SIGLEC7: variants seen among roughly 807,000 people sequenced by gnomAD.
The protein encoded by SIGLEC7 is sialic acid-binding Ig-like lectin 7.
A neutral mutation model predicts 40.8 loss-of-function variants in SIGLEC7; 33 were observed. The observed-to-expected ratio is 0.81, with a 90% CI of 0.61 to 1.08. The LOEUF (loss-of-function observed/expected upper bound fraction) is 1.08. Among genes scored for constraint, SIGLEC7 ranks in the 50% least tolerant of loss-of-function variants. SIGLEC7 has a pLI of 0.00. For synonymous variants in SIGLEC7, 242 were observed against 237.6 expected (o/e 1.02, Z -0.17); for missense variants, 513 against 576.1 (o/e 0.89, Z 1.12).
chr19:51,142,533 A>T lies in SIGLEC7; in HGVS notation c.164A>T (p.Gln55Leu). 1 of 1,614,198 alleles carries T rather than the reference A, an allele frequency of 6.2e-7. No individual in the cohort carries two copies. The highest frequency in any genetic ancestry group is 8.5e-7 in the Non-Finnish European group (1 of 1,180,030). ...RCSFSYPVDS[Q>L]TDSDPVHGYW... ...TCCTTCTCCTACCCAGTGGACAGCC[A>T]GACTGACTCTGACCCAGTTCATGGC... The change falls in exon 1 of 7, where the codon CAG becomes CTG. Residue 55 changes from glutamine (Q) to leucine (L), a missense_variant. Transcript: ENST00000317643. The surrounding 1 kb of genome is among the most constrained non-coding windows in gnomAD (Gnocchi z 5.0).
intron 1 of SIGLEC7, chr19:51,143,802 G>T: frequency 2.8e-6 from 1 of 357,142 alleles, no homozygotes; most frequent in East Asian, 8.6e-5. Flanking sequence ...AGTCGGGGCT[G>T]GGCTGAGCCT....
rs200183113 is a variant in SIGLEC7 at position 51,145,967 on chromosome 19, G to A, written c.873G>A (p.Arg291=). The A allele has an allele frequency of 1.4e-4, 228 of 1,614,238 alleles. No homozygotes were observed. The highest frequency in any genetic ancestry group is 1.8e-4 in the Non-Finnish European group (213 of 1,180,044). ...NPPARLSWTW[R]SLTLYPSQPS... ...CTGCCAGGCTGAGCTGGACCTGGAG[G>A]AGTCTGACCCTGTACCCCTCACAGC... The change falls in exon 4 of 7, where the codon AGG becomes AGA. Residue 291 remains arginine (R), a synonymous_variant. Coordinates refer to ENST00000317643, the MANE Select transcript of SIGLEC7 (RefSeq NM_014385.4). The surrounding 1 kb of genome is among the most constrained non-coding windows in gnomAD (Gnocchi z 4.3).
At chr19:51,149,910 T>C (rs961230243) in intron 6 of SIGLEC7, among the ~76,000 whole-genome samples, 3 of 152,186 alleles carry the variant, frequency 2.0e-5, no homozygotes, top group African/African-American at 7.2e-5. Context: ...TTTGTGGCAA[T>C]TGTGAATGGG....
chr19:51,152,094 G>T (rs1318528726), intron 6 of SIGLEC7, among the ~76,000 whole-genome samples: 8 of 152,188 alleles, frequency 5.3e-5, no homozygotes. Flanking sequence ...CAAAATCAAG[G>T]CATTGGCAGG....
chr19:51,143,491 C>T (rs1013680475), intron 1 of SIGLEC7, among the ~76,000 whole-genome samples: 4 of 152,122 alleles, frequency 2.6e-5, no homozygotes, highest in South Asian at 2.1e-4. Flanking sequence ...CAGGGAAGCC[C>T]GGAGGTAGGA....
Position 51,142,497 on chromosome 19 carries a change from A to C in SIGLEC7, c.128A>C (p.His43Pro), listed in dbSNP as rs539442902. The C allele has an allele frequency of 7.4e-6, 12 of 1,614,144 alleles. No individual in the cohort carries two copies. The African/African-American group carries it at 1.2e-4, about 16-fold the overall frequency. ...SVTVQEGMCV[H>P]VRCSFSYPVD... ...ACCGTGCAAGAGGGCATGTGTGTCCATGTGCGCTGCTCCTTCTCCTACCCA... is the reference window on the plus strand; with the variant it reads ...ACCGTGCAAGAGGGCATGTGTGTCCCTGTGCGCTGCTCCTTCTCCTACCCA... Residue 43 changes from histidine to proline, a missense_variant, in exon 1 of 7, where the codon CAT (histidine) becomes CCT (proline). Transcript: ENST00000317643. This position sits in a 1 kb window ranked among gnomAD's most constrained non-coding sequence, Gnocchi z 5.0.
intron 2 of SIGLEC7, 40 bp downstream of exon 2, chr19:51,144,724 G>C (rs745691151): frequency 1.2e-6 from 2 of 1,601,920 alleles, no homozygotes; most frequent in Non-Finnish European, 1.7e-6. Flanking sequence ...CTGATGAGGG[G>C]GGGACGTCCC....
At chr19:51,150,577 T>C (rs2092137123) in intron 6 of SIGLEC7, among the ~76,000 whole-genome samples, 1 of 152,242 alleles carries the variant, frequency 6.6e-6, no homozygotes, top group African/African-American at 2.4e-5. Context: ...ATCAAGGATA[T>C]TGGCCCGAAG....
intron 4 of SIGLEC7, 136 bp downstream of exon 4, chr19:51,146,257 A>G: frequency 8.5e-7 from 1 of 1,181,562 alleles, no homozygotes; most frequent in Admixed American, 2.3e-5. Context: ...CCTGCAACCC[A>G]GGGCACTGCT....
chr19:51,143,753 A>C, intron 1 of SIGLEC7: 1 of 249,016 alleles, frequency 4.0e-6, no homozygotes, highest in Non-Finnish European at 8.1e-6. Flanking sequence ...TGTCTCAGAG[A>C]TGCTGCTGCC....
In SIGLEC7 at chr19:51,142,750, A is replaced by T. The variant is rs2092077990; in HGVS notation, c.381A>T (p.Lys127Asn). The change falls in exon 1 of 7, where the codon AAA becomes AAT. Residue 127 changes from lysine (K) to asparagine (N), a missense_variant. Physicochemically the swap from Lys to Asn is moderately conservative, Grantham distance 94. Coordinates refer to ENST00000317643, the MANE Select transcript of SIGLEC7 (RefSeq NM_014385.4). The surrounding 1 kb of genome is among the most constrained non-coding windows in gnomAD (Gnocchi z 5.0). Reference sequence around the variant, plus strand: ...GGAGATACTTCTTTCGTATGGAGAAAGGAAATATAAAATGGAATTATAAAT... The same window carrying T: ...GGAGATACTTCTTTCGTATGGAGAATGGAAATATAAAATGGAATTATAAAT... ...DAGRYFFRME[K>N]GNIKWNYKYD... 3 of 1,612,758 alleles carry T rather than the reference A, an allele frequency of 1.9e-6. No homozygotes were observed. The East Asian group carries it at 6.7e-5, about 36-fold the overall frequency.
At chr19:51,147,164 C>A in intron 5 of SIGLEC7, 57 bp from the exon 6 acceptor site, 1 of 1,607,522 alleles carries the variant, frequency 6.2e-7, no homozygotes, top group Non-Finnish European at 8.5e-7. Flanking sequence ...AGGGGTTGGT[C>A]TGCCCACTGC....
intron 1 of SIGLEC7, among the ~76,000 whole-genome samples, chr19:51,143,248 A>AC (rs2092082175): frequency 6.6e-6 from 1 of 151,800 alleles, no homozygotes; most frequent in Non-Finnish European, 1.5e-5. Context: ...GGTCTACACA[A>AC]CCCCGTGACT....
At chr19:51,147,009 T>C (rs2092112851) in intron 5 of SIGLEC7, 159 bp downstream of exon 5, 3 of 992,736 alleles carry the variant, frequency 3.0e-6, no homozygotes, top group Non-Finnish European at 4.4e-6. Flanking sequence ...CGCCCTTGTC[T>C]GTGGGGCTCC....
At position 51,142,883 on chromosome 19, in the gene SIGLEC7, G is replaced by A; in HGVS notation, c.433+81G>A. On this transcript the variant is annotated intron_variant, in intron 1 of 6. Transcript: ENST00000317643. The surrounding 1 kb of genome is among the most constrained non-coding windows in gnomAD (Gnocchi z 5.0). The stretch of plus-strand genomic sequence containing the variant: ...ACGGCTGAGACGGGACACATGTCCT[G>A]GGAGGGGGCCGGGGGTGATGGACTC... 1 of 1,427,352 alleles carries A rather than the reference G, an allele frequency of 7.0e-7. No homozygotes were observed. Among genetic ancestry groups the A allele is most frequent in the South Asian group, 1.4e-5 (1 of 73,744 alleles). The allele number at this position is 1,427,352 out of a possible 1,614,324, so 88.4% of individuals were successfully genotyped here.
intron 4 of SIGLEC7, among the ~76,000 whole-genome samples, 195 bp downstream of exon 4, chr19:51,146,316 T>TGGGTCTTGGAGGGGAGGAGC (rs2092108296): frequency 1.3e-5 from 2 of 150,896 alleles, no homozygotes; most frequent in African/African-American, 2.4e-5. Flanking sequence ...AGGGGAGGAG[T>TGGGTCTTGGAGGGGAGGAGC]GGGTCTTGGA....
chr19:51,153,456 C>G lies in SIGLEC7; in HGVS notation c.*211C>G. On this transcript the variant is annotated 3_prime_UTR_variant, in exon 7 of 7. Transcript: ENST00000317643. Reference sequence around the variant, plus strand: ...ACACTCCCCGCCCTGGCCTCTGGTACCCACCATTCTCCTCTGTACTTCTCT... The same window carrying G: ...ACACTCCCCGCCCTGGCCTCTGGTAGCCACCATTCTCCTCTGTACTTCTCT... The G allele has an allele frequency of 2.7e-6, 1 of 375,478 alleles. No homozygotes were observed. Among genetic ancestry groups the G allele is most frequent in the Non-Finnish European group, 4.8e-6 (1 of 208,636 alleles). The allele number at this position is 375,478 out of a possible 1,614,324, so 23.3% of individuals were successfully genotyped here.
chr19:51,144,034 G>A (rs2092088741), intron 1 of SIGLEC7: 1 of 557,668 alleles, frequency 1.8e-6, no homozygotes, highest in Non-Finnish European at 3.5e-6. Context: ...ATGGAAAAGT[G>A]CAGGAGACAC....
At position 51,146,033 on chromosome 19, in the gene SIGLEC7, G is replaced by A. The variant is rs148171466; in HGVS notation, c.939G>A (p.Gly313=). Residue 313 remains glycine, a synonymous_variant, in exon 4 of 7, where the codon GGG becomes GGA. Coordinates refer to ENST00000317643, the MANE Select transcript of SIGLEC7 (RefSeq NM_014385.4). ...TACTGGAGCTGCAAGTGCACCTGGGGGATGAAGGGGAATTCACCTGTCGAG... is the reference window on the plus strand; with the variant it reads ...TACTGGAGCTGCAAGTGCACCTGGGAGATGAAGGGGAATTCACCTGTCGAG... The part of the protein sequence containing the change: ...PLVLELQVHL[G]DEGEFTCRAQ... The A allele has an allele frequency of 1.4e-5, 22 of 1,614,094 alleles. No homozygotes were observed. In the African/African-American group the frequency reaches 2.4e-4, roughly 18 times the overall value.
Sources: gnomAD v4.1 joint callset for allele counts (sites outside exome capture counted in the v4.1 genomes callset) on GRCh38, gnomAD v4.1.1 for gene constraint, Gnocchi (gnomAD v3.1) non-coding constraint, MANE v1.5 for transcripts, NCBI Gene and HGNC (gene_info 2026-07-23, HGNC 2026-07-21) for gene names.